Variants in AUH observed in about 807,000 individuals in gnomAD.
AUH encodes methylglutaconyl-CoA hydratase, mitochondrial.
A neutral mutation model predicts 42.3 loss-of-function variants in AUH; 29 were observed. That is an observed-to-expected ratio of 0.69 (90% CI 0.51 to 0.93). The LOEUF (loss-of-function observed/expected upper bound fraction) is 0.93, where lower values mean the gene tolerates loss of function less well. Ranked by LOEUF, AUH falls within the 40% of genes least tolerant of loss-of-function variation. The pLI is 0.00. For synonymous variants in AUH, 174 were observed against 166.4 expected, an observed-to-expected ratio of 1.05 and a Z score of -0.35; for missense variants, 452 against 438.1, an observed-to-expected ratio of 1.03 and a Z score of -0.28.
At chr9:91,227,226 C>A (rs1330871175) in intron 6 of AUH, among the ~76,000 whole-genome samples, 1 of 150,230 alleles carries the variant, frequency 6.7e-6, no homozygotes, top group East Asian at 2.0e-4. Flanking sequence ...CGTTTATTTC[C>A]TTGAGCAGCG....
intron 6 of AUH, among the ~76,000 whole-genome samples, chr9:91,275,704 T>C (rs1825487384): frequency 6.6e-6 from 1 of 152,224 alleles, no homozygotes; most frequent in African/African-American, 2.4e-5. Context: ...CCCAAAAGGA[T>C]GACTATGGCC....
At chr9:91,289,107 C>A (rs1044771184) in intron 6 of AUH, among the ~76,000 whole-genome samples, 5 of 152,082 alleles carry the variant, frequency 3.3e-5, no homozygotes, top group African/African-American at 1.2e-4. Context: ...ATCAAATGTA[C>A]AGTAAATTCA....
At chr9:91,261,049 T>A (rs1829683326) in intron 6 of AUH, among the ~76,000 whole-genome samples, 1 of 152,198 alleles carries the variant, frequency 6.6e-6, no homozygotes, top group African/African-American at 2.4e-5. Context: ...TTTTAAATCC[T>A]TGAGTATAAA....
intron 6 of AUH, among the ~76,000 whole-genome samples, chr9:91,225,148 T>A (rs1342697064): frequency 2.0e-5 from 3 of 152,198 alleles, no homozygotes; most frequent in African/African-American, 4.8e-5. Flanking sequence ...TCTTGCTGGT[T>A]AAGGAAGTCA....
intron 6 of AUH, among the ~76,000 whole-genome samples, chr9:91,226,438 A>T: frequency 1.3e-5 from 2 of 151,296 alleles, no homozygotes; most frequent in African/African-American, 4.9e-5. Flanking sequence ...TTCATTGTAG[A>T]TTCTGGATAT....
chr9:91,217,305 G>C lies in AUH; in HGVS notation c.866C>G (p.Ala289Gly). 6.2e-7 allele frequency: 1 copy of C among 1,613,710 alleles called. No homozygotes were observed. The highest frequency in any genetic ancestry group is 1.1e-5 in the South Asian group (1 of 91,070). Residue 289 changes from alanine to glycine, a missense_variant, in exon 8 of 10, where the codon GCA (alanine) becomes GGA (glycine). By Grantham distance (60) the Ala-to-Gly change is moderately conservative. Transcript: ENST00000375731. ...LPQGPVAMRV[A>G]KLAINQGMEV... is the part of the protein sequence containing the mutation. ...CATCCCTTGATTAATTGCTAATTTT[G>C]CCACTCTCATTGCAACAGGTCCCTA...
At chr9:91,334,284 G>A (rs1004089006) in intron 3 of AUH, among the ~76,000 whole-genome samples, 13 of 152,302 alleles carry the variant, frequency 8.5e-5, no homozygotes, top group South Asian at 2.1e-4. Flanking sequence ...TTCTTGGTAC[G>A]TCAGTAAGGG....
chr9:91,238,449 T>C (rs1348787606), intron 6 of AUH, among the ~76,000 whole-genome samples: 5 of 152,182 alleles, frequency 3.3e-5, no homozygotes, highest in Non-Finnish European at 7.3e-5. Context: ...CTGGGAAATG[T>C]AGTTTCCTTG....
At chr9:91,344,973 CAA>C (rs1831377400) in intron 3 of AUH, among the ~76,000 whole-genome samples, 1 of 147,820 alleles carries the variant, frequency 6.8e-6, no homozygotes, top group African/African-American at 2.5e-5. Context: ...TAATAGATGC[CAA>C]AAAGAGATTT....
At chr9:91,218,980 A>C in intron 7 of AUH, 1 of 985,420 alleles carries the variant, frequency 1.0e-6, no homozygotes, top group East Asian at 1.1e-4. Context: ...TAATTTTAAC[A>C]ATCAACATTC....
intron 3 of AUH, among the ~76,000 whole-genome samples, chr9:91,341,170 G>T (rs750908153): frequency 6.6e-6 from 1 of 152,190 alleles, no homozygotes; most frequent in Admixed American, 6.5e-5. Context: ...TGCAAGAGGG[G>T]TCTCCTGCAG....
chr9:91,357,416 T>C (rs1832499118), intron 1 of AUH: 1 of 824,888 alleles, frequency 1.2e-6, no homozygotes, highest in Non-Finnish European at 1.5e-6. Context: ...AGCTTCAGTT[T>C]CCTCAGGAAG....
chr9:91,220,210 G>A (rs9785225), intron 7 of AUH, among the ~76,000 whole-genome samples: 17,386 of 152,194 alleles, frequency 0.11, 1,127 homozygotes, highest in East Asian at 0.32. Flanking sequence ...TCAGCCATAC[G>A]CATCATGTTC....
At chr9:91,227,721 T>C (rs201845432) in intron 6 of AUH, among the ~76,000 whole-genome samples, 12,447 of 150,674 alleles carry the variant, frequency 0.083, 546 homozygotes, top group East Asian at 0.18. Context: ...TTTTGAAATA[T>C]GTCCCATCAA....
In AUH at chr9:91,350,359, T is replaced by C. The variant is rs543076169; in HGVS notation, c.418+5524A>G. 3.9e-5 allele frequency among the ~76,000 whole-genome samples: 6 copies of C among 152,364 alleles called. No homozygotes were observed. In the South Asian group the frequency reaches 1.2e-3, roughly 32 times the overall value. On this transcript the variant is annotated intron_variant, in intron 3 of 9. Transcript: ENST00000375731. ...AACTGTCAAGAGAAGTAGTTTCAGC[T>C]AAGCCACCACCTTTAACCAGGTCTT...
chr9:91,216,436 C>T (rs1019850219), intron 8 of AUH, among the ~76,000 whole-genome samples: 1 of 133,330 alleles, frequency 7.5e-6, no homozygotes, highest in East Asian at 3.2e-4. Flanking sequence ...GCCTTTATGT[C>T]GCGACACACA....
chr9:91,311,395 G>A (rs578033435), intron 4 of AUH, among the ~76,000 whole-genome samples: 1 of 152,244 alleles, frequency 6.6e-6, no homozygotes, highest in South Asian at 2.1e-4. Flanking sequence ...AGAAAAAGAA[G>A]TTATGAATGC....
intron 6 of AUH, among the ~76,000 whole-genome samples, chr9:91,254,918 AC>A (rs1257799841): frequency 1.3e-5 from 2 of 152,210 alleles, no homozygotes; most frequent in Non-Finnish European, 2.9e-5. Context: ...TTGACATAAA[AC>A]TAAGAGACAA....
chr9:91,253,401 T>C (rs1829241166), intron 6 of AUH, among the ~76,000 whole-genome samples: 1 of 152,186 alleles, frequency 6.6e-6, no homozygotes, highest in East Asian at 1.9e-4. Context: ...GTTATGATGT[T>C]AAATTTATAA....
Sources: gnomAD v4.1 joint callset for allele counts (sites outside exome capture counted in the v4.1 genomes callset) on GRCh38, gnomAD v4.1.1 for gene constraint, MANE v1.5 for transcripts, NCBI Gene and HGNC (gene_info 2026-07-23, HGNC 2026-07-21) for gene names.